CAPZB: variants seen among roughly 807,000 people sequenced by gnomAD.
The protein encoded by CAPZB is F-actin-capping protein subunit beta.
In CAPZB, 2 loss-of-function variants were observed where a neutral mutation model predicts 38.1. The ratio of observed to expected loss-of-function variants is 0.05; its 90% confidence interval spans 0.02 to 0.17. CAPZB has a LOEUF of 0.17. Ranked by LOEUF, CAPZB falls within the 10% of genes least tolerant of loss-of-function variation. The probability of loss-of-function intolerance (pLI) is 1.00; values close to 1 mark genes in which losing one functional copy is unlikely to be tolerated. For synonymous variants in CAPZB, 107 were observed against 127.4 expected (o/e 0.84, Z 1.08); for missense variants, 161 against 334.2 (o/e 0.48, Z 4.04).
At chr1:19,467,738 C>T (rs537822299) in intron 1 of CAPZB, among the ~76,000 whole-genome samples, 1 of 152,308 alleles carries the variant, frequency 6.6e-6, no homozygotes, top group Non-Finnish European at 1.5e-5. Context: ...GGCCAGAGGG[C>T]CCCCGAAAGC....
intron 2 of CAPZB, among the ~76,000 whole-genome samples, chr1:19,403,731 T>C (rs2094315417): frequency 6.6e-6 from 1 of 152,236 alleles, no homozygotes; most frequent in Non-Finnish European, 1.5e-5. Context: ...TAAACATTCA[T>C]TGAACTGCTC....
intron 4 of CAPZB, among the ~76,000 whole-genome samples, chr1:19,359,661 GAGGTGTC>G (rs2094042307): frequency 6.6e-6 from 1 of 152,234 alleles, no homozygotes; most frequent in African/African-American, 2.4e-5. Flanking sequence ...CTGTCGGATG[GAGGTGTC>G]AGGTGTCAGA....
chr1:19,372,909 G>T (rs1284904677), intron 4 of CAPZB, among the ~76,000 whole-genome samples: 1 of 152,110 alleles, frequency 6.6e-6, no homozygotes, highest in Non-Finnish European at 1.5e-5. Flanking sequence ...GGGCTGGCTG[G>T]GAGGGGAAGT....
intron 1 of CAPZB, among the ~76,000 whole-genome samples, chr1:19,455,626 T>C (rs2094530709): frequency 6.6e-6 from 1 of 152,186 alleles, no homozygotes; most frequent in Non-Finnish European, 1.5e-5. Context: ...TTTACTCTTA[T>C]CTACCAGCCA....
At chr1:19,371,260 C>G (rs745699060) in intron 4 of CAPZB, among the ~76,000 whole-genome samples, 1 of 152,212 alleles carries the variant, frequency 6.6e-6, no homozygotes, top group Non-Finnish European at 1.5e-5. Flanking sequence ...AGCCTGCTAC[C>G]CCATCAGGTC....
At chr1:19,407,992 A>G (rs769829349) in intron 2 of CAPZB, among the ~76,000 whole-genome samples, 1 of 152,130 alleles carries the variant, frequency 6.6e-6, no homozygotes, top group Non-Finnish European at 1.5e-5. Context: ...GGGCCGTGGC[A>G]TTTTCAGCTT....
At chr1:19,374,693 C>G (rs75010732) in intron 4 of CAPZB, among the ~76,000 whole-genome samples, 2,706 of 152,292 alleles carry the variant, frequency 0.018, 87 homozygotes, top group African/African-American at 0.061. Flanking sequence ...CTCTCACAGG[C>G]CGGGGACACC....
At chr1:19,441,535 G>A (rs1410423926) in intron 1 of CAPZB, among the ~76,000 whole-genome samples, 1 of 152,066 alleles carries the variant, frequency 6.6e-6, no homozygotes, top group East Asian at 1.9e-4. Flanking sequence ...ATACACAGCA[G>A]GGCATGTTCA....
At chr1:19,394,210 G>A (rs2094253777) in intron 2 of CAPZB, among the ~76,000 whole-genome samples, 1 of 152,184 alleles carries the variant, frequency 6.6e-6, no homozygotes, top group Admixed American at 6.5e-5. Flanking sequence ...ATGTTGGCCA[G>A]GTTGGTCTCA....
chr1:19,382,150 G>A (rs556663124), intron 3 of CAPZB, among the ~76,000 whole-genome samples: 7 of 152,256 alleles, frequency 4.6e-5, no homozygotes, highest in African/African-American at 1.7e-4. Flanking sequence ...CCCATCTTTC[G>A]GGCAGACTGG....
chr1:19,408,325 G>A (rs2094342306), intron 2 of CAPZB, among the ~76,000 whole-genome samples: 1 of 152,256 alleles, frequency 6.6e-6, no homozygotes, highest in Non-Finnish European at 1.5e-5. Context: ...CACATCTGCA[G>A]TTTACACGCA....
At chr1:19,373,581 G>A (rs2094130149) in intron 4 of CAPZB, among the ~76,000 whole-genome samples, 1 of 152,192 alleles carries the variant, frequency 6.6e-6, no homozygotes, top group South Asian at 2.1e-4. Context: ...TCTGCTATCT[G>A]AGGAGGCTGG....
intron 1 of CAPZB, among the ~76,000 whole-genome samples, chr1:19,442,530 C>T (rs1453565453): frequency 6.6e-6 from 1 of 152,168 alleles, no homozygotes; most frequent in Admixed American, 6.5e-5. Flanking sequence ...GGCCTGGTTG[C>T]CACCTACTCC....
chr1:19,436,433 T>C (rs889944885), intron 1 of CAPZB, among the ~76,000 whole-genome samples: 1 of 152,168 alleles, frequency 6.6e-6, no homozygotes. Context: ...AATTCAGATA[T>C]GCCGAAGTGA....
At chr1:19,424,160 G>A (rs564138298) in intron 1 of CAPZB, among the ~76,000 whole-genome samples, 9 of 151,778 alleles carry the variant, frequency 5.9e-5, no homozygotes, top group African/African-American at 2.2e-4. Flanking sequence ...ATATAACAAG[G>A]CTTTTTTTTT....
At chr1:19,384,436 T>C (rs1198732008) in intron 3 of CAPZB, among the ~76,000 whole-genome samples, 4 of 152,222 alleles carry the variant, frequency 2.6e-5, no homozygotes, top group Non-Finnish European at 5.9e-5. Flanking sequence ...TCCTCTTTAT[T>C]TTCTTCAGGA....
At chr1:19,430,851 G>C (rs1167132236) in intron 1 of CAPZB, among the ~76,000 whole-genome samples, 2 of 152,148 alleles carry the variant, frequency 1.3e-5, no homozygotes, top group African/African-American at 2.4e-5. Context: ...CTGATGCACA[G>C]AAAAACCCTG....
At position 19,395,985 on chromosome 1, in the gene CAPZB, A is replaced by G. The variant is rs1182200887; in HGVS notation, c.94-10359T>C. ...GCTTGCCCCACACCCAGCATCCTGCATGTCTATCCAGACCACCTTTCTTCC... is the reference window on the plus strand; with the variant it reads ...GCTTGCCCCACACCCAGCATCCTGCGTGTCTATCCAGACCACCTTTCTTCC... On this transcript the variant is annotated intron_variant, in intron 2 of 8. Transcript: ENST00000264202. Among the ~76,000 whole-genome samples the G allele has an allele frequency of 2.6e-5, 4 of 152,286 alleles. No individual in the cohort carries two copies. The East Asian group carries it at 7.7e-4, about 29-fold the overall frequency.
At chr1:19,467,058 T>TTTA (rs1553294041) in intron 1 of CAPZB, among the ~76,000 whole-genome samples, 2 of 150,694 alleles carry the variant, frequency 1.3e-5, no homozygotes, top group Non-Finnish European at 3.0e-5. Context: ...CACACCCAGC[T>TTTA]TTTATTTATT....
Sources: gnomAD v4.1 joint callset for allele counts (sites outside exome capture counted in the v4.1 genomes callset) on GRCh38, gnomAD v4.1.1 for gene constraint, MANE v1.5 for transcripts, NCBI Gene and HGNC (gene_info 2026-07-23, HGNC 2026-07-21) for gene names.